The following KIF21A variants were observed in gnomAD, a reference collection of about 807,000 sequenced individuals.
The protein encoded by KIF21A is kinesin family member 21A, also known as kinesin-like protein KIF21A.
In KIF21A, 114 loss-of-function variants were observed where a neutral mutation model predicts 202.9. The observed-to-expected ratio is 0.56, with a 90% CI of 0.48 to 0.66. The LOEUF (loss-of-function observed/expected upper bound fraction) is 0.66. Ranked by LOEUF, KIF21A falls within the 30% of genes least tolerant of loss-of-function variation. The probability of loss-of-function intolerance (pLI) is 0.00; values close to 1 mark genes in which losing one functional copy is unlikely to be tolerated. For synonymous variants in KIF21A, 667 were observed against 670.8 expected (o/e 0.99, Z 0.09); for missense variants, 1,677 against 1,994.9 (o/e 0.84, Z 3.04).
intron 1 of KIF21A, among the ~76,000 whole-genome samples, chr12:39,426,012 T>C (rs1452382097): frequency 1.4e-5 from 2 of 145,886 alleles, no homozygotes; most frequent in Non-Finnish European, 3.0e-5. Flanking sequence ...ACTCCACCAA[T>C]AATAAATGTT....
chr12:39,304,426 T>C (rs2137186189), intron 35 of KIF21A, among the ~76,000 whole-genome samples: 1 of 152,344 alleles, frequency 6.6e-6, no homozygotes, highest in East Asian at 1.9e-4. Flanking sequence ...CACGTGAATG[T>C]CCTTTATTAG....
chr12:39,333,412 G>T (rs1946676289), intron 17 of KIF21A, 132 bp from the exon 18 acceptor site: 1 of 695,004 alleles, frequency 1.4e-6, no homozygotes, highest in Non-Finnish European at 2.5e-6. Context: ...CAACAACCTT[G>T]TATATATTAT....
chr12:39,370,093 T>G lies in KIF21A; in HGVS notation c.213A>C (p.Lys71Asn). Reference protein sequence around the residue: ...QEQIYIQCIEKLIEGCFEGYN... With the variant: ...QEQIYIQCIENLIEGCFEGYN... The stretch of plus-strand genomic sequence containing the variant: ...ATCCTTCAAAGCAACCTTCAATTAG[T>G]TTTTCTATACATTGAATGTAGATCT... The change falls in exon 2 of 38, where the codon AAA (lysine) becomes AAC (asparagine). Residue 71 changes from lysine to asparagine, a missense_variant. Coordinates refer to ENST00000361418, the MANE Select transcript of KIF21A (RefSeq NM_001173464.2). 1 of 1,613,860 alleles carries G rather than the reference T, an allele frequency of 6.2e-7. No homozygotes were observed. The highest frequency in any genetic ancestry group is 8.5e-7 in the Non-Finnish European group (1 of 1,179,852).
intron 24 of KIF21A, among the ~76,000 whole-genome samples, chr12:39,328,633 C>A (rs1946198610): frequency 6.6e-6 from 1 of 152,168 alleles, no homozygotes; most frequent in Non-Finnish European, 1.5e-5. Flanking sequence ...GGGGCGCTGG[C>A]CCTGGCTCAT....
chr12:39,410,743 G>A (rs896249297), intron 1 of KIF21A, among the ~76,000 whole-genome samples: 1 of 151,988 alleles, frequency 6.6e-6, no homozygotes, highest in Non-Finnish European at 1.5e-5. Context: ...GCTGCCCACA[G>A]AGGAATTAAA....
At chr12:39,410,191 T>C (rs1202288843) in intron 1 of KIF21A, among the ~76,000 whole-genome samples, 1 of 152,106 alleles carries the variant, frequency 6.6e-6, no homozygotes, top group African/African-American at 2.4e-5. Flanking sequence ...ATTGCAGCAC[T>C]AGAAGCTAGA....
chr12:39,441,660 TAAAA>T lies in KIF21A; in HGVS notation c.44+1263_44+1266del, dbSNP rs56245570. Among the ~76,000 whole-genome samples the T allele has an allele frequency of 9.8e-4, 37 of 37,786 alleles. 2 individuals carry two copies. The highest frequency in any genetic ancestry group is 4.3e-3 in the South Asian group (9 of 2,108). The allele number at this position is 37,786 out of a possible 152,430, so 24.8% of individuals were successfully genotyped here. ...ATAAAACTGTCACCTCCCTGGGTGGTAAAAAAAAAAAAAAAAAAAACACTTAAAA... is the reference window on the plus strand; with the variant it reads ...ATAAAACTGTCACCTCCCTGGGTGGTAAAAAAAAAAAAAAAACACTTAAAA... On this transcript the variant is annotated intron_variant, in intron 1 of 37. Coordinates refer to ENST00000361418, the MANE Select transcript of KIF21A (RefSeq NM_001173464.2).
intron 34 of KIF21A, among the ~76,000 whole-genome samples, chr12:39,306,366 A>G (rs1372912765): frequency 6.6e-6 from 1 of 152,204 alleles, no homozygotes; most frequent in Non-Finnish European, 1.5e-5. Flanking sequence ...GTCAGATTAA[A>G]TATCTTCAAG....
intron 1 of KIF21A, among the ~76,000 whole-genome samples, chr12:39,409,640 C>T (rs1228623692): frequency 6.6e-6 from 1 of 151,918 alleles, no homozygotes; most frequent in East Asian, 1.9e-4. Context: ...CCAAAATGGC[C>T]ATGCCCTGAT....
At chr12:39,304,108 T>C (rs747486223) in intron 35 of KIF21A, among the ~76,000 whole-genome samples, 16 of 152,214 alleles carry the variant, frequency 1.1e-4, no homozygotes, top group Non-Finnish European at 2.4e-4. Flanking sequence ...CGTTCATGTC[T>C]CTAGGGTATA....
chr12:39,308,740 T>C (rs1013842277), intron 33 of KIF21A, among the ~76,000 whole-genome samples: 3 of 152,276 alleles, frequency 2.0e-5, no homozygotes, highest in East Asian at 1.9e-4. Context: ...AGTGATTCAA[T>C]TGAATTGGTA....
chr12:39,418,524 C>G (rs1310952073), intron 1 of KIF21A, among the ~76,000 whole-genome samples: 1 of 152,110 alleles, frequency 6.6e-6, no homozygotes, highest in African/African-American at 2.4e-5. Context: ...TTTACCCGGG[C>G]ACATAAACAT....
chr12:39,357,978 C>T (rs1347313452), intron 8 of KIF21A, among the ~76,000 whole-genome samples, 200 bp downstream of exon 8: 1 of 70,786 alleles, frequency 1.4e-5, no homozygotes, highest in Non-Finnish European at 2.9e-5. Context: ...AGCTTTTGAA[C>T]AAACAGTTGT....
chr12:39,318,139 C>G lies in KIF21A; in HGVS notation c.3842G>C (p.Arg1281Pro). The G allele has an allele frequency of 6.2e-7, 1 of 1,613,440 alleles. No individual in the cohort carries two copies. Among genetic ancestry groups the G allele is most frequent in the Non-Finnish European group, 8.5e-7 (1 of 1,179,516 alleles). ...ACGATTAAAAACATTCAGTTCATTA[C>G]GGGGCCGGCTTGGTGGGGAAGAAGG... ...SPPSSPPSRPRNELNVFNRLT... is the reference protein window; with the variant it reads ...SPPSSPPSRPPNELNVFNRLT... Residue 1281 changes from arginine to proline, a missense_variant, in exon 29 of 38, where the codon CGT becomes CCT. Coordinates refer to ENST00000361418, the MANE Select transcript of KIF21A (RefSeq NM_001173464.2).
In KIF21A at chr12:39,318,161, A is replaced by G; in HGVS notation, c.3820T>C (p.Ser1274Pro). 6.2e-7 allele frequency: 1 copy of G among 1,613,712 alleles called. No individual in the cohort carries two copies. Among genetic ancestry groups the G allele is most frequent in the Non-Finnish European group, 8.5e-7 (1 of 1,179,636 alleles). Reference protein sequence around the residue: ...GTSEASLSPPSSPPSRPRNEL... With the variant: ...GTSEASLSPPPSPPSRPRNEL... ...TTACGGGGCCGGCTTGGTGGGGAAG[A>G]AGGAGGTGAAAGACTAGCCTCTGAA... is the stretch of plus-strand genomic sequence containing the variant. Residue 1274 changes from serine to proline, a missense_variant, in exon 29 of 38, where the codon TCT becomes CCT. Physicochemically the swap from Ser to Pro is moderately conservative, Grantham distance 74. Transcript: ENST00000361418.
At position 39,294,207 on chromosome 12, in the gene KIF21A, T is replaced by G; in HGVS notation, c.*217A>C. ...AAGTGTGAATAAAGCAATATATCAA[T>G]TGTAGGATATATATCTATTGGTTGA... On this transcript the variant is annotated 3_prime_UTR_variant, in exon 38 of 38. Coordinates refer to ENST00000361418, the MANE Select transcript of KIF21A (RefSeq NM_001173464.2). 2.1e-6 allele frequency: 1 copy of G among 481,572 alleles called. No individual in the cohort carries two copies. Among genetic ancestry groups the G allele is most frequent in the East Asian group, 3.8e-5 (1 of 26,340 alleles). The allele number at this position is 481,572 out of a possible 1,614,324, so 29.8% of individuals were successfully genotyped here.
chr12:39,330,333 C>T, intron 23 of KIF21A, 71 bp from the exon 24 acceptor site: 1 of 1,369,826 alleles, frequency 7.3e-7, no homozygotes, highest in Admixed American at 1.7e-5. Flanking sequence ...GTTAAAAACT[C>T]CCACATAAAA....
intron 16 of KIF21A, among the ~76,000 whole-genome samples, chr12:39,338,717 T>C (rs1019173214): frequency 1.5e-4 from 23 of 152,222 alleles, no homozygotes; most frequent in African/African-American, 5.5e-4. Context: ...TCCCAGCGCA[T>C]ATAAAGTTAT....
rs76744799 is a variant in KIF21A at position 39,420,541 on chromosome 12, C to T, written c.44+22386G>A. ...GTGTCTCCACTCCCTGTTTTGAAGA[C>T]CCAGAAACAGCAAAGTGAGTATGGA... On this transcript the variant is annotated intron_variant, in intron 1 of 37. Coordinates refer to ENST00000361418, the MANE Select transcript of KIF21A (RefSeq NM_001173464.2). 6.2e-3 allele frequency among the ~76,000 whole-genome samples: 941 copies of T among 152,154 alleles called. 11 individuals are homozygous for T. The highest frequency in any genetic ancestry group is 0.022 in the African/African-American group (896 of 41,500).
Sources: gnomAD v4.1 joint callset for allele counts (sites outside exome capture counted in the v4.1 genomes callset) on GRCh38, gnomAD v4.1.1 for gene constraint, MANE v1.5 for transcripts, NCBI Gene and HGNC (gene_info 2026-07-23, HGNC 2026-07-21) for gene names.